USP30: variants seen among roughly 807,000 people sequenced by gnomAD.
The protein encoded by USP30 is ubiquitin specific peptidase 30, also known as ubiquitin carboxyl-terminal hydrolase 30.
Under a neutral mutation model 68.2 loss-of-function variants are expected in USP30, and 41 were observed. The ratio of observed to expected loss-of-function variants is 0.60; its 90% confidence interval spans 0.47 to 0.78. USP30 has a LOEUF of 0.78. USP30 is among the 30% of genes least tolerant of loss of function. The probability of loss-of-function intolerance (pLI) is 0.00; values close to 1 mark genes in which losing one functional copy is unlikely to be tolerated. For synonymous variants in USP30, 229 were observed against 253.7 expected (o/e 0.90, Z 0.93); for missense variants, 522 against 649.4 (o/e 0.80, Z 2.13).
chr12:109,048,788 AAC>A (rs2040631679), upstream of USP30, among the ~76,000 whole-genome samples: 1 of 152,046 alleles, frequency 6.6e-6, no homozygotes, highest in South Asian at 2.1e-4. Flanking sequence ...CCGGATGTAA[AAC>A]AGTTTATTCT....
intron 11 of USP30, among the ~76,000 whole-genome samples, chr12:109,083,728 T>C (rs1331433528): frequency 6.6e-6 from 1 of 152,138 alleles, no homozygotes; most frequent in Non-Finnish European, 1.5e-5. Context: ...CCCACTCACT[T>C]GAAGGGCTCA....
chr12:109,060,441 C>G (rs1168930990), intron 3 of USP30, among the ~76,000 whole-genome samples: 1 of 152,120 alleles, frequency 6.6e-6, no homozygotes, highest in East Asian at 1.9e-4. Context: ...CTGCTTGACA[C>G]AGAAATCTTT....
At chr12:109,030,890 A>T (rs995340410) in intron 3 of USP30, among the ~76,000 whole-genome samples, 9 of 152,210 alleles carry the variant, frequency 5.9e-5, no homozygotes, top group Non-Finnish European at 1.2e-4. Context: ...CTGGGATTAC[A>T]GGCGTGAGCC....
At chr12:109,051,944 T>C (rs2040681984), upstream of USP30, among the ~76,000 whole-genome samples, 1 of 152,188 alleles carries the variant, frequency 6.6e-6, no homozygotes, top group Non-Finnish European at 1.5e-5. Flanking sequence ...ATATTTCTGT[T>C]GGAGAGTGCC....
At position 109,078,402 on chromosome 12, in the gene USP30, C is replaced by T. The variant is rs150414633; in HGVS notation, c.721-2932C>T. On this transcript the variant is annotated intron_variant, in intron 7 of 12. Coordinates refer to ENST00000257548, the MANE Select transcript of USP30 (RefSeq NM_032663.5). The stretch of plus-strand genomic sequence containing the variant: ...TCACGCCACTGCACTTCAGTCTGGG[C>T]GACAGAGTGAGACTGAGTCTCAAAA... 2.7e-3 allele frequency among the ~76,000 whole-genome samples: 411 copies of T among 149,764 alleles called. 1 individual carries two copies. The highest frequency in any genetic ancestry group is 9.3e-3 in the African/African-American group (379 of 40,576).
intron 9 of USP30, 162 bp from the exon 10 acceptor site, chr12:109,082,501 G>T: frequency 1.6e-6 from 1 of 643,694 alleles, no homozygotes; most frequent in Non-Finnish European, 2.7e-6. Flanking sequence ...GACTAAGAGG[G>T]ATCAGGGAAA....
chr12:109,055,395 TA>T (rs1488042050), intron 1 of USP30, among the ~76,000 whole-genome samples: 3,628 of 41,154 alleles, frequency 0.088, 389 homozygotes, highest in Middle Eastern at 0.2. Flanking sequence ...TATATATATA[TA>T]TATATTTTTT....
chr12:109,036,930 T>A (rs2040525277), intron 3 of USP30, among the ~76,000 whole-genome samples: 1 of 152,062 alleles, frequency 6.6e-6, no homozygotes, highest in South Asian at 2.1e-4. Context: ...CTCTTGGAGT[T>A]CATTGAGCTT....
At chr12:109,076,454 T>C (rs1024759814) in intron 7 of USP30, among the ~76,000 whole-genome samples, 2 of 151,764 alleles carry the variant, frequency 1.3e-5, no homozygotes, top group Admixed American at 6.6e-5. Flanking sequence ...CTAAGACTTA[T>C]GGTACAAAGT....
intron 4 of USP30, among the ~76,000 whole-genome samples, chr12:109,068,047 C>G (rs1466481737): frequency 6.6e-6 from 1 of 152,070 alleles, no homozygotes; most frequent in African/African-American, 2.4e-5. Flanking sequence ...TAAAGTAGCC[C>G]GAAACCTCAA....
intron 3 of USP30, among the ~76,000 whole-genome samples, chr12:109,030,116 C>A (rs1377403568): frequency 6.6e-6 from 1 of 152,208 alleles, no homozygotes; most frequent in Non-Finnish European, 1.5e-5. Context: ...CTACTTTATA[C>A]CTTTCCCACA....
At chr12:109,055,400 A>ATTTTTTTTTTTTTT (rs869090869) in intron 1 of USP30, among the ~76,000 whole-genome samples, 22 of 24,472 alleles carry the variant, frequency 9.0e-4, no homozygotes, top group African/African-American at 1.9e-3. Context: ...ATATATATAT[A>ATTTTTTTTTTTTTT]TTTTTTTTTT....
At chr12:109,046,749 T>A (rs1263891989) in intron 3 of USP30, among the ~76,000 whole-genome samples, 1 of 152,010 alleles carries the variant, frequency 6.6e-6, no homozygotes, top group Non-Finnish European at 1.5e-5. Flanking sequence ...CAGGCTGGAG[T>A]GCAGTAGTGC....
At chr12:109,057,073 G>A (rs180875760) in intron 2 of USP30, among the ~76,000 whole-genome samples, 11 of 152,244 alleles carry the variant, frequency 7.2e-5, no homozygotes, top group South Asian at 2.1e-4. Flanking sequence ...TCATTAGTAC[G>A]GCAATTGTAG....
In USP30 at chr12:109,068,318, C is replaced by T. The variant is rs16939885; in HGVS notation, c.480+691C>T. Among the ~76,000 whole-genome samples the T allele has an allele frequency of 7.6e-3, 1,150 of 152,200 alleles. 13 individuals carry two copies. Among genetic ancestry groups the T allele is most frequent in the African/African-American group, 0.026 (1,082 of 41,510 alleles). Reference sequence around the variant, plus strand: ...CCAGCTTCGTGTAGGCGTTGTCTGCCGCCACTATCCAGAGAAATGGGAGGC... The same window carrying T: ...CCAGCTTCGTGTAGGCGTTGTCTGCTGCCACTATCCAGAGAAATGGGAGGC... On this transcript the variant is annotated intron_variant, in intron 4 of 12. Coordinates refer to ENST00000257548, the MANE Select transcript of USP30 (RefSeq NM_032663.5).
rs71443831 is a variant in USP30 at position 109,055,379 on chromosome 12, CAT to C, written c.84-1282_84-1281del. Among the ~76,000 whole-genome samples, 467 of 58,910 alleles carry C rather than the reference CAT, an allele frequency of 7.9e-3. 37 individuals are homozygous for C. Among genetic ancestry groups the C allele is most frequent in the African/African-American group, 0.012 (171 of 14,462 alleles). The allele number at this position is 58,910 out of a possible 152,430, so 38.6% of individuals were successfully genotyped here. ...ATATATACACACACACATATATATA[CAT>C]ATATATATATATATATATATTTTTT... On this transcript the variant is annotated intron_variant, in intron 1 of 12. Transcript: ENST00000257548.
rs896552076 is a variant in USP30, at chr12:109,087,198, G to A, written c.*1267G>A. 2.0e-5 allele frequency: 3 copies of A among 152,086 alleles called. No individual in the cohort carries two copies. Among genetic ancestry groups the A allele is most frequent in the Admixed American group, 6.6e-5 (1 of 15,254 alleles). The allele number at this position is 152,086 out of a possible 1,614,324, so 9.4% of individuals were successfully genotyped here. On this transcript the variant is annotated 3_prime_UTR_variant, in exon 13 of 13. Transcript: ENST00000257548. Reference sequence around the variant, plus strand: ...TGACACAGTAGTACCTATGTTTTAAGCTATATTTTTAATTTAGAAAAATGG... The same window carrying A: ...TGACACAGTAGTACCTATGTTTTAAACTATATTTTTAATTTAGAAAAATGG...
At chr12:109,036,153 C>T (rs1159962615) in intron 3 of USP30, among the ~76,000 whole-genome samples, 5 of 152,084 alleles carry the variant, frequency 3.3e-5, no homozygotes, top group African/African-American at 1.2e-4. Flanking sequence ...GAGTGAGATC[C>T]TGTCTCAAAA....
intron 2 of USP30, chr12:109,025,135 G>A (rs1291203490): frequency 6.6e-6 from 1 of 152,124 alleles, no homozygotes; most frequent in Non-Finnish European, 1.5e-5. Context: ...AGAACTGCAG[G>A]CTCTTTAGTC....
Sources: gnomAD v4.1 joint callset for allele counts (sites outside exome capture counted in the v4.1 genomes callset) on GRCh38, gnomAD v4.1.1 for gene constraint, MANE v1.5 for transcripts, NCBI Gene and HGNC (gene_info 2026-07-23, HGNC 2026-07-21) for gene names.